KIF18A: variants seen among roughly 807,000 people sequenced by gnomAD.
The protein encoded by KIF18A is kinesin family member 18A.
Under a neutral mutation model 103.3 loss-of-function variants are expected in KIF18A, and 67 were observed. That is an observed-to-expected ratio of 0.65 (90% confidence interval 0.53 to 0.79). The LOEUF is 0.79. Among genes scored for constraint, KIF18A ranks in the 30% least tolerant of loss-of-function variants. The probability of loss-of-function intolerance (pLI) is 0.00; values close to 1 mark genes in which losing one functional copy is unlikely to be tolerated. For synonymous variants in KIF18A, 367 were observed against 355.5 expected, an observed-to-expected ratio of 1.03 and a Z score of -0.36; for missense variants, 1,032 against 1,062.5, an observed-to-expected ratio of 0.97 and a Z score of 0.40.
chr11:28,056,127 A>C (rs1267430669), intron 13 of KIF18A, among the ~76,000 whole-genome samples: 1 of 151,518 alleles, frequency 6.6e-6, no homozygotes, highest in Non-Finnish European at 1.5e-5. Flanking sequence ...GACCAAAAAA[A>C]GTCTATATGT....
chr11:28,088,643 C>G lies in KIF18A; in HGVS notation c.778G>C (p.Ala260Pro). Residue 260 changes from alanine (A) to proline (P), a missense_variant, in exon 6 of 17, where the codon GCA becomes CCA. Transcript: ENST00000263181. ...RIAKMSLIDL[A>P]GSERASTSGA... ...GAAGTACTTGCTCGCTCAGATCCTG[C>G]CAGGTCAATGAGTGACATCTTGGCA... The G allele has an allele frequency of 6.2e-7, 1 of 1,613,996 alleles. No homozygotes were observed. The highest frequency in any genetic ancestry group is 1.1e-5 in the South Asian group (1 of 91,082).
intron 13 of KIF18A, among the ~76,000 whole-genome samples, chr11:28,045,017 A>G (rs1850613036): frequency 6.6e-6 from 1 of 152,118 alleles, no homozygotes; most frequent in Non-Finnish European, 1.5e-5. Context: ...GTGGTTAAAA[A>G]AGTAAACAAA....
In KIF18A at chr11:28,097,752, T is replaced by C. The variant is rs1851393147; in HGVS notation, c.196A>G (p.Lys66Glu). The C allele has an allele frequency of 2.5e-6, 4 of 1,611,642 alleles. No individual in the cohort carries two copies. The highest frequency in any genetic ancestry group is 3.4e-6 in the Non-Finnish European group (4 of 1,178,292). The change falls in exon 2 of 17, where the codon AAG (lysine) becomes GAG (glutamate). Residue 66 changes from lysine (K) to glutamate (E), a missense_variant. Lys to Glu is a moderately conservative substitution (Grantham distance 56). Transcript: ENST00000263181. ...AATTTAAGATCCTTATTTTGTTTCT[T>C]TATAACATTTTGATTTGTAGTTTTC... ...GKKTTNQNVIKKQNKDLKFVF... is the reference protein window; with the variant it reads ...GKKTTNQNVIEKQNKDLKFVF...
At chr11:28,102,361 T>C (rs117898489) in intron 1 of KIF18A, among the ~76,000 whole-genome samples, 2,590 of 152,264 alleles carry the variant, frequency 0.017, 121 homozygotes, top group East Asian at 0.12. Context: ...AATTTACCTA[T>C]AGCTTGGAAG....
chr11:28,077,324 T>G (rs542975553), intron 9 of KIF18A, among the ~76,000 whole-genome samples, 155 bp from the exon 10 acceptor site: 2 of 152,188 alleles, frequency 1.3e-5, no homozygotes, highest in Non-Finnish European at 2.9e-5. Flanking sequence ...CTATTTCCTA[T>G]TATAAAAAAT....
intron 7 of KIF18A, 31 bp from the exon 8 acceptor site, chr11:28,083,274 T>C (rs1452165555): frequency 1.2e-5 from 19 of 1,533,608 alleles, no homozygotes; most frequent in African/African-American, 4.3e-5. Flanking sequence ...TGATTGTTTA[T>C]AGAGAGATAA....
Position 28,035,428 on chromosome 11 carries a change from C to G in KIF18A, c.2463G>C (p.Met821Ile). 1 of 1,602,466 alleles carries G rather than the reference C, an allele frequency of 6.2e-7. No homozygotes were observed. The highest frequency in any genetic ancestry group is 8.5e-7 in the Non-Finnish European group (1 of 1,173,652). ...TCCTTTTGGCAGCAGTAGTCATTGC[C>G]ATGTAGGATGGCACCATGCTTGGTA... ...MPVPSMVPSY[M>I]AMTTAAKRKR... The change falls in exon 15 of 17, where the codon ATG (methionine) becomes ATC (isoleucine). Residue 821 changes from methionine to isoleucine, a missense_variant. Transcript: ENST00000263181.
At chr11:28,024,806 A>C (rs1850293813) in intron 15 of KIF18A, among the ~76,000 whole-genome samples, 1 of 151,996 alleles carries the variant, frequency 6.6e-6, no homozygotes, top group Non-Finnish European at 1.5e-5. Context: ...ACGCTGATTC[A>C]AACAACCTAA....
intron 11 of KIF18A, among the ~76,000 whole-genome samples, chr11:28,063,639 T>C (rs1417281656): frequency 6.6e-6 from 1 of 152,020 alleles, no homozygotes; most frequent in Non-Finnish European, 1.5e-5. Flanking sequence ...TAAATGGTGA[T>C]AATCTAGTAA....
At chr11:28,026,189 T>C (rs554240724) in intron 15 of KIF18A, among the ~76,000 whole-genome samples, 1 of 151,972 alleles carries the variant, frequency 6.6e-6, no homozygotes, top group East Asian at 1.9e-4. Flanking sequence ...TATACTCAAT[T>C]ATTTAAACAA....
intron 13 of KIF18A, among the ~76,000 whole-genome samples, chr11:28,041,210 T>G (rs1396004469): frequency 6.6e-6 from 1 of 151,520 alleles, no homozygotes; most frequent in Non-Finnish European, 1.5e-5. Flanking sequence ...AATAAACAAA[T>G]AAAATAAATT....
chr11:28,095,006 C>G (rs1264809949), intron 2 of KIF18A, among the ~76,000 whole-genome samples: 1 of 152,136 alleles, frequency 6.6e-6, no homozygotes, highest in Non-Finnish European at 1.5e-5. Context: ...TAAATGGTAT[C>G]ACTACCCCCG....
At chr11:28,099,630 T>C (rs1407171383) in intron 1 of KIF18A, among the ~76,000 whole-genome samples, 3 of 152,098 alleles carry the variant, frequency 2.0e-5, no homozygotes, top group Admixed American at 2.0e-4. Context: ...AATAATAAAT[T>C]CACCCAAAAC....
At chr11:28,055,637 A>G (rs1270373624) in intron 13 of KIF18A, among the ~76,000 whole-genome samples, 1 of 152,176 alleles carries the variant, frequency 6.6e-6, no homozygotes, top group African/African-American at 2.4e-5. Flanking sequence ...TTTAGTATCA[A>G]ATTACCTCAG....
intron 3 of KIF18A, among the ~76,000 whole-genome samples, chr11:28,092,218 A>G (rs954204082): frequency 6.6e-6 from 1 of 151,640 alleles, no homozygotes; most frequent in African/African-American, 2.4e-5. Flanking sequence ...GAAGATATCT[A>G]TTATTTCACA....
intron 10 of KIF18A, among the ~76,000 whole-genome samples, chr11:28,072,162 T>G (rs1419275714): frequency 3.3e-5 from 5 of 152,162 alleles, no homozygotes; most frequent in Non-Finnish European, 5.9e-5. Flanking sequence ...ATGTTTCCCA[T>G]TAAGTTTTAA....
At chr11:28,092,773 T>A (rs1851322575) in intron 3 of KIF18A, among the ~76,000 whole-genome samples, 1 of 152,196 alleles carries the variant, frequency 6.6e-6, no homozygotes, top group Admixed American at 6.5e-5. Flanking sequence ...TTCTCTACAA[T>A]GAATGATAGG....
chr11:28,081,001 T>C (rs1313233883), intron 9 of KIF18A, among the ~76,000 whole-genome samples: 1 of 152,196 alleles, frequency 6.6e-6, no homozygotes, highest in Non-Finnish European at 1.5e-5. Flanking sequence ...TTTCTTTAAG[T>C]CAAAGCCTTA....
At chr11:28,027,330 A>G (rs1850333845) in intron 15 of KIF18A, among the ~76,000 whole-genome samples, 1 of 151,876 alleles carries the variant, frequency 6.6e-6, no homozygotes, top group African/African-American at 2.4e-5. Context: ...AACTCAATAT[A>G]TTTAAGATTT....
Sources: gnomAD v4.1 joint callset for allele counts (sites outside exome capture counted in the v4.1 genomes callset) on GRCh38, gnomAD v4.1.1 for gene constraint, MANE v1.5 for transcripts, NCBI Gene and HGNC (gene_info 2026-07-23, HGNC 2026-07-21) for gene names.